Variants in CADM2 observed in about 807,000 individuals in gnomAD.
The protein encoded by CADM2 is cell adhesion molecule 2.
In CADM2, 12 loss-of-function variants were observed where a neutral mutation model predicts 49.8. The observed-to-expected ratio is 0.24, with a 90% CI of 0.15 to 0.39. The LOEUF (loss-of-function observed/expected upper bound fraction) is 0.39, where lower values mean the gene tolerates loss of function less well. CADM2 is among the 10% of genes least tolerant of loss of function. The probability of loss-of-function intolerance (pLI) is 1.00; values close to 1 mark genes in which losing one functional copy is unlikely to be tolerated. For missense variants in CADM2, 378 were observed against 492.3 expected, an observed-to-expected ratio of 0.77 and a Z score of 2.20; for synonymous variants, 214 against 175.4, an observed-to-expected ratio of 1.22 and a Z score of -1.74.
chr3:86,039,859 T>C (rs935796657), intron 8 of CADM2, among the ~76,000 whole-genome samples: 2 of 152,244 alleles, frequency 1.3e-5, no homozygotes, highest in East Asian at 1.9e-4. Flanking sequence ...ACAACACACA[T>C]GGCTGGGTTC....
chr3:85,724,398 T>C (rs1181805612), intron 1 of CADM2, among the ~76,000 whole-genome samples: 1 of 151,838 alleles, frequency 6.6e-6, no homozygotes, highest in Non-Finnish European at 1.5e-5. Context: ...ATTTATGTCC[T>C]GAAGAAATAA....
chr3:85,183,921 G>T lies in CADM2; in HGVS notation c.61+224253G>T, dbSNP rs553505948. On this transcript the variant is annotated intron_variant, in intron 1 of 9. Transcript: ENST00000383699. ...GATCAGAATTTTAGAAAAAGTAAAGGCTTTGCCATTTATTCATAAAATAAG... is the reference window on the plus strand; with the variant it reads ...GATCAGAATTTTAGAAAAAGTAAAGTCTTTGCCATTTATTCATAAAATAAG... Among the ~76,000 whole-genome samples, 163 of 152,098 alleles carry T rather than the reference G, an allele frequency of 1.1e-3. 2 individuals carry two copies. Among genetic ancestry groups the T allele is most frequent in the Admixed American group, 4.5e-3 (69 of 15,232 alleles).
In CADM2 at chr3:85,413,138, C is replaced by CAAAAAA. The variant is rs397973777; in HGVS notation, c.62-313364_62-313359dup. ...CCTGGGCGACAGCAAGACTCCGTCTCAAAAAAAAAAAAAAAAAAAAAAAAA... is the reference window on the plus strand; with the variant it reads ...CCTGGGCGACAGCAAGACTCCGTCTCAAAAAAAAAAAAAAAAAAAAAAAAAAAAAAA... On this transcript the variant is annotated intron_variant, in intron 1 of 9. Transcript: ENST00000383699. 5.8e-3 allele frequency among the ~76,000 whole-genome samples: 99 copies of CAAAAAA among 17,000 alleles called. 6 individuals carry two copies. The highest frequency in any genetic ancestry group is 0.014 in the African/African-American group (86 of 6,034). 11.2% of individuals were successfully genotyped at this position (17,000 alleles called of 152,430 possible). A position where few individuals can be genotyped will look rare whatever the true frequency, so the allele number is the denominator to read the frequency against.
chr3:84,975,798 T>A (rs2031780837), intron 1 of CADM2, among the ~76,000 whole-genome samples: 1 of 151,872 alleles, frequency 6.6e-6, no homozygotes. Flanking sequence ...CATCTTACAA[T>A]GTAGAGAGAT....
At chr3:85,830,433 C>G (rs2074133587) in intron 3 of CADM2, among the ~76,000 whole-genome samples, 1 of 151,924 alleles carries the variant, frequency 6.6e-6, no homozygotes, top group Admixed American at 6.6e-5. Flanking sequence ...GACCCTTTAT[C>G]ACATAAATGG....
intron 1 of CADM2, among the ~76,000 whole-genome samples, chr3:85,534,840 T>G (rs1413570317): frequency 2.0e-5 from 3 of 152,172 alleles, no homozygotes; most frequent in Admixed American, 6.6e-5. Flanking sequence ...TAGCCTTAAG[T>G]GCTTTTTCAG....
chr3:85,991,894 G>A (rs899906332), intron 8 of CADM2, among the ~76,000 whole-genome samples: 13 of 151,824 alleles, frequency 8.6e-5, no homozygotes, highest in African/African-American at 2.7e-4. Context: ...CTATGAAGTC[G>A]CTTATTTGAC....
chr3:85,193,027 C>A (rs2041246596), intron 1 of CADM2, among the ~76,000 whole-genome samples: 2 of 152,140 alleles, frequency 1.3e-5, no homozygotes, highest in South Asian at 4.1e-4. Flanking sequence ...GATGCTTTGG[C>A]TTTTTAAGCC....
intron 8 of CADM2, among the ~76,000 whole-genome samples, chr3:85,984,277 C>T (rs192994322): frequency 2.8e-4 from 42 of 150,538 alleles, no homozygotes; most frequent in Admixed American, 2.7e-3. Flanking sequence ...AAAATAATTC[C>T]AAGTGACTTT....
chr3:85,995,543 T>G (rs1053799246), intron 8 of CADM2, among the ~76,000 whole-genome samples: 25 of 152,242 alleles, frequency 1.6e-4, no homozygotes, highest in Non-Finnish European at 2.9e-4. Flanking sequence ...TCAAAGCCAT[T>G]TAACCTACTT....
intron 8 of CADM2, among the ~76,000 whole-genome samples, chr3:86,056,064 C>T (rs184742556): frequency 6.6e-6 from 1 of 152,234 alleles, no homozygotes; most frequent in Non-Finnish European, 1.5e-5. Context: ...TTTTATTTTC[C>T]GTTTGATCAC....
intron 1 of CADM2, among the ~76,000 whole-genome samples, chr3:85,347,883 G>T (rs540859385): frequency 1.3e-5 from 2 of 151,020 alleles, no homozygotes; most frequent in Admixed American, 6.6e-5. Context: ...TCTCCGCTCA[G>T]TGCAAGCTCC....
chr3:85,772,008 C>CTTTTTTTTTT (rs397938377), intron 2 of CADM2, among the ~76,000 whole-genome samples: 7 of 112,210 alleles, frequency 6.2e-5, no homozygotes, highest in African/African-American at 1.6e-4. Context: ...TTCTTTCTTT[C>CTTTTTTTTTT]TTTTTTTTTT....
chr3:85,921,263 A>C (rs1369582704), intron 6 of CADM2, among the ~76,000 whole-genome samples: 1 of 151,970 alleles, frequency 6.6e-6, no homozygotes, highest in Non-Finnish European at 1.5e-5. Flanking sequence ...TTTAATGCCC[A>C]ATATTTTGAA....
intron 1 of CADM2, among the ~76,000 whole-genome samples, chr3:85,670,178 A>G (rs1332776930): frequency 1.3e-5 from 2 of 152,156 alleles, no homozygotes; most frequent in African/African-American, 4.8e-5. Context: ...GCCTCGGTAA[A>G]TAGTGTACAA....
chr3:85,037,007 A>AAAC lies in CADM2; in HGVS notation c.61+77341_61+77342insCAA, dbSNP rs1331493403. Among the ~76,000 whole-genome samples the AAAC allele has an allele frequency of 2.8e-3, 242 of 86,508 alleles. 1 individual carries two copies. Among genetic ancestry groups the AAAC allele is most frequent in the African/African-American group, 6.8e-3 (227 of 33,148 alleles). The allele number at this position is 86,508 out of a possible 152,430, so 56.8% of individuals were successfully genotyped here. On this transcript the variant is annotated intron_variant, in intron 1 of 9. Transcript: ENST00000383699. ...TCTCTACTAAAAATAGAAAAAAAAA[A>AAAC]AAAAAAAAAAAACTTAGCTGGTTGT...
At chr3:85,943,667 C>A (rs1386761819) in intron 7 of CADM2, among the ~76,000 whole-genome samples, 4 of 151,746 alleles carry the variant, frequency 2.6e-5, no homozygotes, top group East Asian at 1.9e-4. Flanking sequence ...GGCTACAGTA[C>A]CCAAAACAGC....
chr3:85,568,469 C>CTTTCTCTT (rs374134738), intron 1 of CADM2, among the ~76,000 whole-genome samples: 22 of 11,134 alleles, frequency 2.0e-3, no homozygotes, highest in African/African-American at 3.2e-3. Context: ...CTTTCTCTTT[C>CTTTCTCTT]TCTCTCTTTC....
chr3:85,592,536 A>G (rs907846869), intron 1 of CADM2, among the ~76,000 whole-genome samples: 8 of 151,932 alleles, frequency 5.3e-5, no homozygotes, highest in Admixed American at 1.3e-4. Context: ...AGAGGATGGA[A>G]TTTAACTGTT....
Sources: allele counts gnomAD v4.1 joint callset (sites outside exome capture counted in the v4.1 genomes callset), GRCh38; gene constraint gnomAD v4.1.1; transcripts MANE v1.5; gene names NCBI Gene and HGNC (gene_info 2026-07-23, HGNC 2026-07-21).